SPMIP2: variants seen among roughly 807,000 people sequenced by gnomAD.
The protein encoded by SPMIP2 is protein SPMIP2.
the SPMIP2 span, among the ~76,000 whole-genome samples, chr4:158,903,998 T>G: frequency 6.6e-6 from 1 of 152,272 alleles, no homozygotes; most frequent in Non-Finnish European, 1.5e-5. Context: ...GTATAAACTT[T>G]GAACAAATTC....
At chr4:158,952,165 A>G in the SPMIP2 span, among the ~76,000 whole-genome samples, 34 of 152,374 alleles carry the variant, frequency 2.2e-4, no homozygotes, top group African/African-American at 7.2e-4. Flanking sequence ...AAATTTACCA[A>G]TGAATCAGTA....
At chr4:158,924,054 T>C in the SPMIP2 span, among the ~76,000 whole-genome samples, 1 of 152,168 alleles carries the variant, frequency 6.6e-6, no homozygotes, top group Non-Finnish European at 1.5e-5. Flanking sequence ...GAGCTGTCAC[T>C]CTGCATATGC....
the SPMIP2 span, among the ~76,000 whole-genome samples, chr4:159,047,860 T>A: frequency 6.6e-6 from 1 of 152,178 alleles, no homozygotes; most frequent in African/African-American, 2.4e-5. Context: ...AGATTCTGTA[T>A]AATCTGAAAT....
the SPMIP2 span, among the ~76,000 whole-genome samples, chr4:159,030,391 T>G: frequency 6.6e-6 from 1 of 151,832 alleles, no homozygotes; most frequent in Non-Finnish European, 1.5e-5. Context: ...CTAGCCTGGG[T>G]GACAGAGTGA....
chr4:158,972,553 G>A, the SPMIP2 span, among the ~76,000 whole-genome samples: 1 of 152,148 alleles, frequency 6.6e-6, no homozygotes, highest in East Asian at 1.9e-4. Flanking sequence ...TTTCAGGGGA[G>A]ACACCAGGAT....
At chr4:158,979,999 G>T in the SPMIP2 span, among the ~76,000 whole-genome samples, 1 of 151,988 alleles carries the variant, frequency 6.6e-6, no homozygotes, top group Non-Finnish European at 1.5e-5. Flanking sequence ...GACCTGGGAC[G>T]CTCAAGCTTG....
the SPMIP2 span, among the ~76,000 whole-genome samples, chr4:158,920,613 C>G: frequency 6.6e-6 from 1 of 152,172 alleles, no homozygotes; most frequent in African/African-American, 2.4e-5. Flanking sequence ...GGAAAAAACT[C>G]CGCCCTGGTA....
chr4:158,976,635 C>T, the SPMIP2 span, among the ~76,000 whole-genome samples: 4 of 149,214 alleles, frequency 2.7e-5, no homozygotes, highest in Non-Finnish European at 5.9e-5. Context: ...AGGGATGAAG[C>T]CAACTGGATC....
the SPMIP2 span, among the ~76,000 whole-genome samples, chr4:158,990,076 C>T: frequency 9.9e-5 from 15 of 152,182 alleles, no homozygotes; most frequent in Middle Eastern, 6.8e-3. Context: ...AGGATATGAA[C>T]GGGTACTTCT....
chr4:158,913,217 T>C, the SPMIP2 span, among the ~76,000 whole-genome samples: 1 of 152,010 alleles, frequency 6.6e-6, no homozygotes, highest in African/African-American at 2.4e-5. Flanking sequence ...GTTGTTGCTG[T>C]TGTTGTTGTT....
the SPMIP2 span, chr4:159,026,541 C>T: frequency 1.8e-6 from 1 of 549,074 alleles, no homozygotes; most frequent in Non-Finnish European, 3.4e-6. Context: ...TTCATCATCA[C>T]TTTGGACAGG....
the SPMIP2 span, among the ~76,000 whole-genome samples, chr4:158,958,649 T>C: frequency 1.3e-5 from 2 of 152,174 alleles, no homozygotes; most frequent in Non-Finnish European, 2.9e-5. Flanking sequence ...GACTCAGCAC[T>C]AACCTTTGCC....
the SPMIP2 span, chr4:158,905,891 T>C: frequency 6.6e-6 from 1 of 152,232 alleles, no homozygotes; most frequent in African/African-American, 2.4e-5. Flanking sequence ...AACCAGGCTC[T>C]GATTCCCTTC....
At chr4:159,037,937 A>G in the SPMIP2 span, among the ~76,000 whole-genome samples, 2 of 151,854 alleles carry the variant, frequency 1.3e-5, no homozygotes, top group East Asian at 3.9e-4. Context: ...CCATCTGGAG[A>G]TCACTCAATA....
chr4:159,070,779 A>G, the SPMIP2 span, among the ~76,000 whole-genome samples: 1 of 152,192 alleles, frequency 6.6e-6, no homozygotes, highest in African/African-American at 2.4e-5. Flanking sequence ...ATATACTCAG[A>G]ATTTTCAGGA....
chr4:158,907,406 C>G, the SPMIP2 span: 4 of 152,066 alleles, frequency 2.6e-5, no homozygotes, highest in African/African-American at 9.7e-5. Flanking sequence ...TAAACTTAAC[C>G]ATATTTTTCA....
At chr4:159,008,272 G>T in the SPMIP2 span, among the ~76,000 whole-genome samples, 1 of 152,222 alleles carries the variant, frequency 6.6e-6, no homozygotes, top group African/African-American at 2.4e-5. Context: ...ACAGAGTTTT[G>T]TAAGAATTGA....
the SPMIP2 span, among the ~76,000 whole-genome samples, chr4:159,011,689 G>A: frequency 6.6e-6 from 1 of 151,406 alleles, no homozygotes; most frequent in East Asian, 1.9e-4. Flanking sequence ...GGGAGGCGGA[G>A]GTTGTGTTGA....
chr4:159,035,605 CAAAT>C, the SPMIP2 span, among the ~76,000 whole-genome samples: 513 of 152,308 alleles, frequency 3.4e-3, 1 homozygote, highest in Non-Finnish European at 4.9e-3. Context: ...TACACACACA[CAAAT>C]ATATATAGAT....
Sources: gnomAD v4.1 joint callset for allele counts (sites outside exome capture counted in the v4.1 genomes callset) on GRCh38, gnomAD v4.1.1 for gene constraint, MANE v1.5 for transcripts, NCBI Gene and HGNC (gene_info 2026-07-23, HGNC 2026-07-21) for gene names.